ERICH6B: variants seen among roughly 807,000 people sequenced by gnomAD.
ERICH6B encodes glutamate rich 6B.
Under a neutral mutation model 80.0 loss-of-function variants are expected in ERICH6B, and 69 were observed. That is an observed-to-expected ratio of 0.86 (90% CI 0.71 to 1.05). ERICH6B has a LOEUF of 1.05. Ranked by LOEUF, ERICH6B falls within the 50% of genes least tolerant of loss-of-function variation. The pLI is 0.00. For synonymous variants in ERICH6B, 283 were observed against 291.9 expected, an observed-to-expected ratio of 0.97 and a Z score of 0.31; for missense variants, 754 against 796.1, an observed-to-expected ratio of 0.95 and a Z score of 0.64.
chr13:45,587,311 T>G (rs1875954015), intron 4 of ERICH6B, 79 bp from the exon 5 acceptor site: 4 of 1,320,450 alleles, frequency 3.0e-6, no homozygotes, highest in Admixed American at 2.2e-5. Flanking sequence ...TGTTAGGGGT[T>G]GAGGGGGTGC....
chr13:45,560,541 C>G (rs527780651), intron 11 of ERICH6B, among the ~76,000 whole-genome samples: 18 of 152,158 alleles, frequency 1.2e-4, no homozygotes, highest in Non-Finnish European at 1.5e-5. Context: ...GACGAATGTA[C>G]AATGACATGT....
At chr13:45,570,912 C>T (rs534151463) in intron 8 of ERICH6B, among the ~76,000 whole-genome samples, 18 of 151,722 alleles carry the variant, frequency 1.2e-4, no homozygotes, top group South Asian at 1.0e-3. Context: ...CTGCAGGTGC[C>T]GTGTGGCATT....
At chr13:45,565,974 C>T (rs997507097) in intron 9 of ERICH6B, among the ~76,000 whole-genome samples, 1 of 152,146 alleles carries the variant, frequency 6.6e-6, no homozygotes, top group Non-Finnish European at 1.5e-5. Flanking sequence ...TGGCTTTGCC[C>T]AAAATGCTGA....
At position 45,541,694 on chromosome 13, in the gene ERICH6B, C is replaced by T; in HGVS notation, c.1873-14G>A. 6.5e-7 allele frequency: 1 copy of T among 1,549,680 alleles called. No individual in the cohort carries two copies. Among genetic ancestry groups the T allele is most frequent in the Non-Finnish European group, 8.7e-7 (1 of 1,146,812 alleles). ...TGGGATCACAAACTGTGGGGATTCA[C>T]AGAGGACTGGGTGAGAATGCATGCT... On this transcript the variant is annotated splice_polypyrimidine_tract_variant and intron_variant, in intron 14 of 14. Transcript: ENST00000298738.
In ERICH6B at chr13:45,574,839, T is replaced by TA; in HGVS notation, c.1050+2dup. ...GGGGGTCTCAAGTTTTTATCCAACT[T>TA]ACGTTTTCATCTAAATCTTCCACTT... On this transcript the variant is annotated splice_region_variant and intron_variant, in intron 8 of 14. Transcript: ENST00000298738. 6 of 1,548,220 alleles carry TA rather than the reference T, an allele frequency of 3.9e-6. No homozygotes were observed. The highest frequency in any genetic ancestry group is 5.2e-6 in the Non-Finnish European group (6 of 1,144,188).
At chr13:45,607,087 T>C (rs772337011) in intron 2 of ERICH6B, among the ~76,000 whole-genome samples, 6 of 152,138 alleles carry the variant, frequency 3.9e-5, no homozygotes, top group Non-Finnish European at 8.8e-5. Context: ...TGGTGAGTCT[T>C]AGTATTTCTG....
chr13:45,605,440 G>A (rs1189444747), intron 2 of ERICH6B, among the ~76,000 whole-genome samples: 1 of 152,120 alleles, frequency 6.6e-6, no homozygotes, highest in African/African-American at 2.4e-5. Flanking sequence ...GCTTTCGTGG[G>A]CCCTGTTTAA....
In ERICH6B at chr13:45,596,924, G is replaced by T. The variant is rs1211562878; in HGVS notation, c.82C>A (p.Pro28Thr). Reference sequence around the variant, plus strand: ...ACTTCAGTATCCTCTTTCTCTGAAGGCAAGTTCTGTGTGGAATATTGGGGA... The same window carrying T: ...ACTTCAGTATCCTCTTTCTCTGAAGTCAAGTTCTGTGTGGAATATTGGGGA... ...TTPQYSTQNL[P>T]SEKEDTEVEL... The change falls in exon 3 of 15, where the codon CCT (proline) becomes ACT (threonine). Residue 28 changes from proline (P) to threonine (T), a missense_variant. Pro to Thr is a conservative substitution (Grantham distance 38). Coordinates refer to ENST00000298738, the MANE Select transcript of ERICH6B (RefSeq NM_182542.3). 1 of 1,551,772 alleles carries T rather than the reference G, an allele frequency of 6.4e-7. No individual in the cohort carries two copies.
chr13:45,614,458 G>A (rs999366678), intron 1 of ERICH6B, among the ~76,000 whole-genome samples: 1 of 152,154 alleles, frequency 6.6e-6, no homozygotes, highest in Admixed American at 6.5e-5. Context: ...ATGATCCAAC[G>A]GAAGGAGAGG....
chr13:45,611,289 C>T (rs950325607), intron 1 of ERICH6B, among the ~76,000 whole-genome samples: 3 of 152,092 alleles, frequency 2.0e-5, no homozygotes, highest in Non-Finnish European at 2.9e-5. Flanking sequence ...GAACAGGTGT[C>T]GAATTATTTG....
intron 14 of ERICH6B, among the ~76,000 whole-genome samples, chr13:45,543,616 C>T (rs996768565): frequency 2.6e-5 from 4 of 152,124 alleles, no homozygotes; most frequent in Non-Finnish European, 5.9e-5. Flanking sequence ...AGGAAGTGTC[C>T]CCCATTGGAG....
At chr13:45,569,275 G>A (rs1481524235) in intron 8 of ERICH6B, among the ~76,000 whole-genome samples, 1 of 152,156 alleles carries the variant, frequency 6.6e-6, no homozygotes, top group Non-Finnish European at 1.5e-5. Context: ...ACAGGCACGT[G>A]CCACCATGCC....
In ERICH6B at chr13:45,602,271, G is replaced by A. The variant is rs189491067; in HGVS notation, c.-58-5208C>T. ...TCTGCCTGGGAAAGCGGCCTGACTT[G>A]AGGGATTTTCTTGGTGATGCTTTGT... On this transcript the variant is annotated intron_variant, in intron 2 of 14. Coordinates refer to ENST00000298738, the MANE Select transcript of ERICH6B (RefSeq NM_182542.3). Among the ~76,000 whole-genome samples, 135 of 152,312 alleles carry A rather than the reference G, an allele frequency of 8.9e-4. 1 individual carries two copies. Among genetic ancestry groups the A allele is most frequent in the African/African-American group, 3.1e-3 (129 of 41,558 alleles).
intron 11 of ERICH6B, among the ~76,000 whole-genome samples, chr13:45,557,335 T>C (rs1874483501): frequency 6.6e-6 from 1 of 152,196 alleles, no homozygotes; most frequent in African/African-American, 2.4e-5. Flanking sequence ...TATTAGTCCT[T>C]TGTCAGATGT....
rs77038023 is a variant in ERICH6B at position 45,568,341 on chromosome 13, A to G, written c.1161T>C (p.Ser387=). ...FDIPLTKLLE[S]ENRWKLVIML... ...TAATTACCAGTTTCCATCTGTTTTC[A>G]CTTTCCAGTAGCTTAGTTAGGGGAA... The change falls in exon 9 of 15, where the codon AGT becomes AGC. Residue 387 remains serine (S), a synonymous_variant. Coordinates refer to ENST00000298738, the MANE Select transcript of ERICH6B (RefSeq NM_182542.3). The G allele has an allele frequency of 4.5e-4, 690 of 1,545,846 alleles. 6 individuals carry two copies. The African/African-American group carries it at 8.4e-3, about 19-fold the overall frequency.
chr13:45,586,655 A>G (rs888681042), intron 5 of ERICH6B, among the ~76,000 whole-genome samples: 13 of 152,080 alleles, frequency 8.5e-5, no homozygotes, highest in Admixed American at 4.6e-4. Context: ...CATTTTCCAC[A>G]TGATTATCTG....
chr13:45,602,342 A>T lies in ERICH6B; in HGVS notation c.-59+5222T>A, dbSNP rs995875269. 4.6e-5 allele frequency among the ~76,000 whole-genome samples: 7 copies of T among 151,982 alleles called. No homozygotes were observed. In the East Asian group the frequency reaches 1.3e-3, roughly 29 times the overall value. On this transcript the variant is annotated intron_variant, in intron 2 of 14. Coordinates refer to ENST00000298738, the MANE Select transcript of ERICH6B (RefSeq NM_182542.3). The stretch of plus-strand genomic sequence containing the variant: ...TCACAATGTGTCAGCACATTTTCTG[A>T]CTCTCAGCCATGCTTTCAGGAAGTT...
chr13:45,546,849 T>C (rs961550701), intron 13 of ERICH6B, among the ~76,000 whole-genome samples: 5 of 152,318 alleles, frequency 3.3e-5, no homozygotes, highest in South Asian at 2.1e-4. Flanking sequence ...TCACCTCCAG[T>C]GGGGAGGACT....
At chr13:45,591,020 G>A (rs182695644) in intron 3 of ERICH6B, among the ~76,000 whole-genome samples, 1 of 152,346 alleles carries the variant, frequency 6.6e-6, no homozygotes, top group East Asian at 1.9e-4. Flanking sequence ...TGACTGAGGT[G>A]CAGGGGATAT....
Sources: allele counts gnomAD v4.1 joint callset (sites outside exome capture counted in the v4.1 genomes callset), GRCh38; gene constraint gnomAD v4.1.1; transcripts MANE v1.5; gene names NCBI Gene and HGNC (gene_info 2026-07-23, HGNC 2026-07-21).